CHN1: variants seen among roughly 807,000 people sequenced by gnomAD.
CHN1 encodes N-chimaerin.
Under a neutral mutation model 59.5 loss-of-function variants are expected in CHN1, and 37 were observed. The observed-to-expected ratio is 0.62, with a 90% CI of 0.48 to 0.82. The LOEUF is 0.82. Ranked by LOEUF, CHN1 falls within the 40% of genes least tolerant of loss-of-function variation. CHN1 has a pLI of 0.00. For synonymous variants in CHN1, 206 were observed against 200.4 expected, an observed-to-expected ratio of 1.03 and a Z score of -0.24; for missense variants, 469 against 571.0, an observed-to-expected ratio of 0.82 and a Z score of 1.82.
intron 3 of CHN1, chr2:174,921,147 G>C (rs929427960): frequency 1.9e-5 from 6 of 315,286 alleles, no homozygotes; most frequent in African/African-American, 1.2e-4. Flanking sequence ...GTGCAGCCTG[G>C]TTCCTAACAG....
intron 1 of CHN1, among the ~76,000 whole-genome samples, chr2:174,988,540 A>G (rs764535400): frequency 3.9e-5 from 6 of 152,174 alleles, no homozygotes; most frequent in Non-Finnish European, 8.8e-5. Context: ...TTAGTGCTTT[A>G]TTAGTGATTA....
intron 2 of CHN1, 178 bp from the exon 3 acceptor site, chr2:174,945,121 A>T (rs1689786447): frequency 1.8e-6 from 1 of 541,630 alleles, no homozygotes; most frequent in South Asian, 2.9e-5. Context: ...GTGAAAGCCC[A>T]GGAGCAATTC....
intron 8 of CHN1, among the ~76,000 whole-genome samples, chr2:174,822,433 C>G (rs1385772843): frequency 6.6e-6 from 1 of 152,166 alleles, no homozygotes; most frequent in Admixed American, 6.5e-5. Flanking sequence ...AAAGATTATT[C>G]ATAGGTGCTG....
chr2:174,821,767 C>T (rs1232128675), intron 8 of CHN1: 1 of 457,882 alleles, frequency 2.2e-6, no homozygotes, highest in Non-Finnish European at 4.5e-6. Flanking sequence ...CTTGGACTTC[C>T]TGGCCTCCAG....
At chr2:174,897,439 G>GT (rs1179119647) in intron 5 of CHN1, among the ~76,000 whole-genome samples, 2 of 151,774 alleles carry the variant, frequency 1.3e-5, no homozygotes, top group Admixed American at 1.3e-4. Flanking sequence ...GTGTGTGTGT[G>GT]TGTGTATATA....
intron 10 of CHN1, among the ~76,000 whole-genome samples, chr2:174,809,608 TATACACAA>T (rs1685010495): frequency 6.6e-6 from 1 of 152,262 alleles, no homozygotes; most frequent in South Asian, 2.1e-4. Flanking sequence ...TTTTAGTAAG[TATACACAA>T]ATACACAAAT....
intron 8 of CHN1, among the ~76,000 whole-genome samples, chr2:174,822,490 C>T (rs1286650781): frequency 6.6e-6 from 1 of 152,158 alleles, no homozygotes; most frequent in African/African-American, 2.4e-5. Flanking sequence ...AGATGGGCTT[C>T]ACTTTTTCAA....
intron 3 of CHN1, among the ~76,000 whole-genome samples, chr2:174,925,168 A>T (rs754755756): frequency 4.6e-5 from 7 of 152,202 alleles, no homozygotes; most frequent in Non-Finnish European, 1.0e-4. Context: ...GAAACCTGAA[A>T]AACTGAATTC....
At chr2:174,884,224 G>C (rs1383700054) in intron 5 of CHN1, among the ~76,000 whole-genome samples, 1 of 151,924 alleles carries the variant, frequency 6.6e-6, no homozygotes, top group Non-Finnish European at 1.5e-5. Flanking sequence ...ACCCACCTCG[G>C]TCTCCCAAAG....
chr2:174,921,680 A>G (rs1221197365), intron 3 of CHN1, among the ~76,000 whole-genome samples: 1 of 152,100 alleles, frequency 6.6e-6, no homozygotes, highest in Non-Finnish European at 1.5e-5. Context: ...GAAACTTACA[A>G]TTATGGCAGA....
At chr2:174,859,839 G>A (rs151024508) in intron 6 of CHN1, among the ~76,000 whole-genome samples, 6 of 152,126 alleles carry the variant, frequency 3.9e-5, no homozygotes, top group Non-Finnish European at 8.8e-5. Flanking sequence ...AGAATCATCA[G>A]CAAACAGAAA....
chr2:175,002,455 T>C (rs376356426), intron 1 of CHN1, among the ~76,000 whole-genome samples: 2 of 152,280 alleles, frequency 1.3e-5, no homozygotes, highest in South Asian at 2.1e-4. Context: ...GTTCCTATAA[T>C]ATACTTAACA....
intron 1 of CHN1, among the ~76,000 whole-genome samples, chr2:174,974,898 T>TACACAC (rs373940330): frequency 0.031 from 4,470 of 144,248 alleles, 184 homozygotes; most frequent in African/African-American, 0.091. Flanking sequence ...AAATAATTAA[T>TACACAC]ACACACACAC....
chr2:174,923,395 C>T (rs1363320143), intron 3 of CHN1, among the ~76,000 whole-genome samples: 1 of 152,206 alleles, frequency 6.6e-6, no homozygotes, highest in African/African-American at 2.4e-5. Flanking sequence ...CCACCTCGGC[C>T]TCCCAAAGTG....
intron 3 of CHN1, among the ~76,000 whole-genome samples, chr2:174,928,788 CAT>C (rs1689248498): frequency 6.6e-6 from 1 of 152,182 alleles, no homozygotes; most frequent in Admixed American, 6.5e-5. Context: ...CATTGAAACA[CAT>C]ATTTTCACTA....
intron 8 of CHN1, among the ~76,000 whole-genome samples, chr2:174,815,259 TC>T (rs1472107962): frequency 2.0e-5 from 3 of 152,072 alleles, no homozygotes; most frequent in African/African-American, 7.2e-5. Context: ...CGCCTGTAGT[TC>T]CAGCTACTCA....
intron 5 of CHN1, among the ~76,000 whole-genome samples, chr2:174,889,572 A>G (rs1427765129): frequency 6.6e-6 from 1 of 152,194 alleles, no homozygotes; most frequent in African/African-American, 2.4e-5. Flanking sequence ...TAGCTGAAGA[A>G]TACAATAAAT....
intron 1 of CHN1, among the ~76,000 whole-genome samples, chr2:174,977,522 T>C (rs1444227171): frequency 6.6e-6 from 1 of 152,230 alleles, no homozygotes; most frequent in Non-Finnish European, 1.5e-5. Flanking sequence ...GCTGCCTTTA[T>C]ACCTTGTTGA....
intron 5 of CHN1, among the ~76,000 whole-genome samples, chr2:174,910,757 G>A (rs113860829): frequency 0.049 from 7,480 of 152,004 alleles, 605 homozygotes; most frequent in African/African-American, 0.17. Flanking sequence ...AAAATTAGCC[G>A]GGCGCAGTGG....
Sources: gnomAD v4.1 joint callset for allele counts (sites outside exome capture counted in the v4.1 genomes callset) on GRCh38, gnomAD v4.1.1 for gene constraint, MANE v1.5 for transcripts, NCBI Gene and HGNC (gene_info 2026-07-23, HGNC 2026-07-21) for gene names.